GPHN: variants seen among roughly 807,000 people sequenced by gnomAD.
GPHN encodes gephyrin.
Under a neutral mutation model 95.5 loss-of-function variants are expected in GPHN, and 17 were observed. The ratio of observed to expected loss-of-function variants is 0.18; its 90% CI spans 0.12 to 0.27. GPHN has a LOEUF of 0.27. GPHN is among the 10% of genes least tolerant of loss of function. The pLI, the probability that GPHN is intolerant of heterozygous loss-of-function variation, is 1.00. For missense variants in GPHN, 660 were observed against 978.1 expected (o/e 0.67, Z 4.34); for synonymous variants, 320 against 322.5 (o/e 0.99, Z 0.08).
At chr14:67,401,895 G>A in the GPHN span, among the ~76,000 whole-genome samples, 48 of 152,162 alleles carry the variant, frequency 3.2e-4, no homozygotes, top group Admixed American at 2.1e-3. Context: ...AGGCCGAGGT[G>A]GGCGGATCAC....
chr14:66,939,230 C>A lies in GPHN; in HGVS notation c.828+14938C>A, dbSNP rs1469583728. ...TTTGCACATCCAAAGATTCTATGAA[C>A]AGAGAAAAAGGCAGTCCACAGAATG... On this transcript the variant is annotated intron_variant, in intron 8 of 22. Transcript: ENST00000478722. Among the ~76,000 whole-genome samples the A allele has an allele frequency of 5.9e-5, 9 of 152,118 alleles. No individual in the cohort carries two copies. The East Asian group carries it at 1.7e-3, about 29-fold the overall frequency.
intron 11 of GPHN, among the ~76,000 whole-genome samples, chr14:67,084,781 A>G (rs533300715): frequency 2.0e-5 from 3 of 152,324 alleles, no homozygotes; most frequent in Non-Finnish European, 4.4e-5. Context: ...TGAAGAATGC[A>G]TGATACTTAC....
the GPHN span, among the ~76,000 whole-genome samples, chr14:67,404,835 T>G: frequency 6.6e-6 from 1 of 151,996 alleles, no homozygotes; most frequent in African/African-American, 2.4e-5. Context: ...AGTACATAAG[T>G]ATTTCTAATA....
chr14:66,763,603 G>T (rs2058844089), intron 2 of GPHN, among the ~76,000 whole-genome samples: 1 of 151,660 alleles, frequency 6.6e-6, no homozygotes, highest in African/African-American at 2.4e-5. Flanking sequence ...GTATTCCATG[G>T]TGTATATGTG....
At chr14:67,268,160 A>AT in the GPHN span, among the ~76,000 whole-genome samples, 1 of 152,178 alleles carries the variant, frequency 6.6e-6, no homozygotes, top group African/African-American at 2.4e-5. Context: ...AGACTCTACC[A>AT]TTTTACATTC....
At chr14:67,521,596 T>C in the GPHN span, among the ~76,000 whole-genome samples, 2 of 152,346 alleles carry the variant, frequency 1.3e-5, no homozygotes, top group African/African-American at 2.4e-5. Context: ...GGATAAGGAC[T>C]ATGCAGTATT....
chr14:66,708,406 TA>T (rs2069296331), intron 2 of GPHN, among the ~76,000 whole-genome samples: 1 of 152,190 alleles, frequency 6.6e-6, no homozygotes, highest in Non-Finnish European at 1.5e-5. Context: ...ATGTATTAGT[TA>T]AATATTATCT....
the GPHN span, chr14:67,559,752 C>T: frequency 2.1e-5 from 23 of 1,120,246 alleles, no homozygotes; most frequent in Admixed American, 9.8e-5. Flanking sequence ...CCCTGACCCC[C>T]GGAGTTTCCT....
intron 13 of GPHN, among the ~76,000 whole-genome samples, chr14:67,104,362 G>A (rs1201322277): frequency 2.0e-5 from 3 of 152,150 alleles, no homozygotes; most frequent in Non-Finnish European, 4.4e-5. Flanking sequence ...GCAGAATAAT[G>A]CTGACCTCAT....
At chr14:67,319,914 C>G in the GPHN span, among the ~76,000 whole-genome samples, 1 of 152,188 alleles carries the variant, frequency 6.6e-6, no homozygotes, top group Admixed American at 6.5e-5. Context: ...GGATATTACT[C>G]TTACTAGTTC....
chr14:67,174,508 C>A (rs2082803801), intron 21 of GPHN, among the ~76,000 whole-genome samples: 1 of 152,110 alleles, frequency 6.6e-6, no homozygotes, highest in Non-Finnish European at 1.5e-5. Flanking sequence ...GGTTCCAAGT[C>A]TTTGCTGCTG....
Position 67,112,947 on chromosome 14 carries a change from A to G in GPHN, c.1473-71A>G, listed in dbSNP as rs1379499260. The G allele has an allele frequency of 2.8e-6, 4 of 1,428,644 alleles. No homozygotes were observed. In the African/African-American group the frequency reaches 4.2e-5, roughly 15 times the overall value. The allele number at this position is 1,428,644 out of a possible 1,614,324, so 88.5% of individuals were successfully genotyped here. A position where few individuals can be genotyped will look rare whatever the true frequency, so the allele number is the denominator to read the frequency against. ...TTCTTGAATGTCCTTTTTTGACACT[A>G]AAGTTTCCCTCTGAGTTGAGAAAAT... On this transcript the variant is annotated intron_variant, in intron 15 of 22. Coordinates refer to ENST00000478722, the MANE Select transcript of GPHN (RefSeq NM_020806.5).
intron 1 of GPHN, among the ~76,000 whole-genome samples, chr14:66,550,865 GTTT>G (rs978521179): frequency 6.6e-5 from 10 of 151,008 alleles, no homozygotes; most frequent in African/African-American, 1.5e-4. Context: ...TGTTGTTGTT[GTTT>G]TTTTTTGAGA....
intron 13 of GPHN, among the ~76,000 whole-genome samples, chr14:67,106,702 G>A (rs2078058999): frequency 6.6e-6 from 1 of 151,974 alleles, no homozygotes; most frequent in African/African-American, 2.4e-5. Context: ...TCATTCTTAT[G>A]AATTGTTTTG....
chr14:67,452,105 G>C, the GPHN span, among the ~76,000 whole-genome samples: 1 of 152,190 alleles, frequency 6.6e-6, no homozygotes, highest in African/African-American at 2.4e-5. Context: ...GCTGAGGTGG[G>C]TGGATCACCT....
At chr14:67,302,801 G>A in the GPHN span, among the ~76,000 whole-genome samples, 530 of 151,428 alleles carry the variant, frequency 3.5e-3, 17 homozygotes, top group East Asian at 0.087. Flanking sequence ...TATTTTTCTG[G>A]AATCAGTAAT....
the GPHN span, among the ~76,000 whole-genome samples, chr14:67,327,327 TAAA>T: frequency 6.6e-6 from 1 of 151,826 alleles, no homozygotes; most frequent in Non-Finnish European, 1.5e-5. Context: ...TTTAATTGTA[TAAA>T]AAACTGCTAA....
intron 5 of GPHN, among the ~76,000 whole-genome samples, chr14:66,890,291 C>G (rs6573733): frequency 0.3 from 44,815 of 151,766 alleles, 10,686 homozygotes; most frequent in African/African-American, 0.63. Context: ...ACCTGTAGTC[C>G]CAGCTACTCA....
chr14:66,666,684 G>A (rs1239601588), intron 1 of GPHN, among the ~76,000 whole-genome samples: 1 of 152,136 alleles, frequency 6.6e-6, no homozygotes, highest in Admixed American at 6.6e-5. Flanking sequence ...ACATCATACT[G>A]AATGGGTAAA....
Sources: allele counts gnomAD v4.1 joint callset (sites outside exome capture counted in the v4.1 genomes callset), GRCh38; gene constraint gnomAD v4.1.1; transcripts MANE v1.5; gene names NCBI Gene and HGNC (gene_info 2026-07-23, HGNC 2026-07-21).